TENM3: variants seen among roughly 807,000 people sequenced by gnomAD.
TENM3 encodes the protein teneurin-3.
A neutral mutation model predicts 255.1 loss-of-function variants in TENM3; 63 were observed. That is an observed-to-expected ratio of 0.25 (90% CI 0.20 to 0.30). The LOEUF is 0.30. Ranked by LOEUF, TENM3 falls within the 10% of genes least tolerant of loss-of-function variation. TENM3 has a pLI of 1.00. For synonymous variants in TENM3, 1,306 were observed against 1,322.3 expected, an observed-to-expected ratio of 0.99 and a Z score of 0.27; for missense variants, 2,929 against 3,461.1, an observed-to-expected ratio of 0.85 and a Z score of 3.86.
intron 3 of TENM3, among the ~76,000 whole-genome samples, chr4:182,517,640 C>T (rs1180576502): frequency 7.7e-6 from 1 of 130,020 alleles, no homozygotes; most frequent in African/African-American, 2.9e-5. Context: ...GCCTCGGCCT[C>T]CCAAAGTGCT....
chr4:182,714,050 C>T (rs201806871), intron 12 of TENM3, 37 bp from the exon 13 acceptor site: 3 of 1,600,902 alleles, frequency 1.9e-6, no homozygotes, highest in Non-Finnish European at 2.6e-6. Context: ...AAACTCAATA[C>T]TCAAATCACT....
intron 3 of TENM3, among the ~76,000 whole-genome samples, chr4:182,460,586 T>G (rs1444668101): frequency 6.6e-6 from 1 of 152,164 alleles, no homozygotes; most frequent in East Asian, 1.9e-4. Flanking sequence ...ATAGTGGTGT[T>G]TAGCTGTCTC....
the TENM3 span, among the ~76,000 whole-genome samples, chr4:181,717,798 A>G: frequency 6.6e-6 from 1 of 152,174 alleles, no homozygotes; most frequent in African/African-American, 2.4e-5. Context: ...TGGCACAAAA[A>G]CCAATTCAAT....
chr4:181,782,912 T>C, the TENM3 span, among the ~76,000 whole-genome samples: 1 of 152,026 alleles, frequency 6.6e-6, no homozygotes, highest in Admixed American at 6.6e-5. Context: ...TTGTTCAGTT[T>C]CCATGTAGTT....
chr4:182,695,055 A>G (rs1045334218), intron 12 of TENM3, among the ~76,000 whole-genome samples: 1 of 152,236 alleles, frequency 6.6e-6, no homozygotes, highest in African/African-American at 2.4e-5. Context: ...ATAAAACAAT[A>G]TGTAATTCTA....
the TENM3 span, among the ~76,000 whole-genome samples, chr4:181,453,396 T>C: frequency 3.3e-5 from 5 of 152,124 alleles, no homozygotes; most frequent in Non-Finnish European, 7.4e-5. Context: ...TCCTGTTTTG[T>C]GGCACTGAAA....
intron 13 of TENM3, among the ~76,000 whole-genome samples, chr4:182,723,804 A>G (rs975512580): frequency 3.3e-5 from 5 of 152,192 alleles, no homozygotes; most frequent in Non-Finnish European, 7.4e-5. Flanking sequence ...TAATAGTTTT[A>G]TTGGAACACA....
intron 3 of TENM3, among the ~76,000 whole-genome samples, chr4:182,377,639 T>G (rs1253452518): frequency 6.6e-6 from 1 of 152,170 alleles, no homozygotes; most frequent in Non-Finnish European, 1.5e-5. Context: ...AATCCAGATA[T>G]TGTCATTGCT....
At chr4:182,742,879 A>G (rs908562074) in intron 18 of TENM3, among the ~76,000 whole-genome samples, 5 of 152,172 alleles carry the variant, frequency 3.3e-5, no homozygotes, top group Admixed American at 6.5e-5. Flanking sequence ...ACTGATCATC[A>G]CTGATGTTGA....
the TENM3 span, among the ~76,000 whole-genome samples, chr4:182,102,969 T>C: frequency 1.6e-4 from 25 of 152,316 alleles, no homozygotes; most frequent in African/African-American, 4.3e-4. Context: ...ATAATAACAG[T>C]GGCAATTTAA....
chr4:182,367,737 C>T (rs1461323996), intron 3 of TENM3, among the ~76,000 whole-genome samples: 3 of 152,060 alleles, frequency 2.0e-5, no homozygotes, highest in Non-Finnish European at 2.9e-5. Context: ...AGAGTTGAGA[C>T]TGAAGTTTGT....
At chr4:182,481,569 C>T (rs560963429) in intron 3 of TENM3, among the ~76,000 whole-genome samples, 25 of 152,228 alleles carry the variant, frequency 1.6e-4, no homozygotes, top group Middle Eastern at 3.4e-3. Flanking sequence ...CCGAAGCAGA[C>T]GGATTGCCTG....
intron 1 of TENM3, among the ~76,000 whole-genome samples, chr4:182,157,563 A>G (rs1437399250): frequency 6.6e-6 from 1 of 152,200 alleles, no homozygotes; most frequent in Non-Finnish European, 1.5e-5. Flanking sequence ...GCTCCTCTCC[A>G]CAAAAGGTTT....
chr4:181,692,169 T>C, the TENM3 span, among the ~76,000 whole-genome samples: 1 of 152,214 alleles, frequency 6.6e-6, no homozygotes, highest in African/African-American at 2.4e-5. Flanking sequence ...TATGTGCAAA[T>C]TGTATAATGT....
intron 3 of TENM3, among the ~76,000 whole-genome samples, chr4:182,352,213 C>G (rs777205165): frequency 2.0e-5 from 3 of 151,866 alleles, no homozygotes; most frequent in Non-Finnish European, 4.4e-5. Flanking sequence ...ATCATTTGTG[C>G]AGTCTGGAAT....
the TENM3 span, among the ~76,000 whole-genome samples, chr4:181,718,629 TA>T: frequency 6.6e-6 from 1 of 152,368 alleles, no homozygotes; most frequent in South Asian, 2.1e-4. Flanking sequence ...TTTAGGTTCA[TA>T]AATGTAAGAT....
At chr4:181,530,782 G>T in the TENM3 span, among the ~76,000 whole-genome samples, 2 of 152,162 alleles carry the variant, frequency 1.3e-5, no homozygotes, top group Non-Finnish European at 2.9e-5. Context: ...TTCGTTGGAG[G>T]AGTAAATGTG....
the TENM3 span, among the ~76,000 whole-genome samples, chr4:181,484,582 A>G: frequency 0.33 from 50,685 of 152,036 alleles, 8,635 homozygotes; most frequent in Admixed American, 0.38. Context: ...TGTAACTGAC[A>G]CTAGAGGCCT....
chr4:181,453,234 G>C, the TENM3 span, among the ~76,000 whole-genome samples: 4 of 152,150 alleles, frequency 2.6e-5, no homozygotes, highest in Admixed American at 2.0e-4. Context: ...ACAAAGGAAA[G>C]ACAGGAAGTG....
Sources: gnomAD v4.1 joint callset for allele counts (sites outside exome capture counted in the v4.1 genomes callset) on GRCh38, gnomAD v4.1.1 for gene constraint, MANE v1.5 for transcripts, NCBI Gene and HGNC (gene_info 2026-07-23, HGNC 2026-07-21) for gene names.